Variants in DERA observed in about 807,000 individuals in gnomAD.
DERA encodes the protein 2-deoxy-D-ribose 5-phosphate aldolase.
Under a neutral mutation model 41.1 loss-of-function variants are expected in DERA, and 15 were observed. The ratio of observed to expected loss-of-function variants is 0.37; its 90% CI spans 0.24 to 0.56. DERA has a LOEUF of 0.56. Among genes scored for constraint, DERA ranks in the 20% least tolerant of loss-of-function variants. DERA has a pLI of 0.81. For synonymous variants in DERA, 139 were observed against 137.4 expected (o/e 1.01, Z -0.08); for missense variants, 396 against 403.4 (o/e 0.98, Z 0.16).
Position 15,966,271 on chromosome 12 carries a change from C to G in DERA, c.508+3324C>G, listed in dbSNP as rs889527050. ...TTGAGGTTGGGAGTTTGAGACCAGC[C>G]TGGCCAACATGGCAAAACCCTATCT... On this transcript the variant is annotated intron_variant, in intron 5 of 8. Coordinates refer to ENST00000428559, the MANE Select transcript of DERA (RefSeq NM_015954.4). The surrounding 1 kb of genome is among the most constrained non-coding windows in gnomAD (Gnocchi z 5.1). 5.3e-5 allele frequency among the ~76,000 whole-genome samples: 8 copies of G among 152,110 alleles called. No individual in the cohort carries two copies. Among genetic ancestry groups the G allele is most frequent in the African/African-American group, 1.9e-4 (8 of 41,416 alleles).
At chr12:15,949,983 G>T (rs76127970) in intron 1 of DERA, among the ~76,000 whole-genome samples, 3 of 151,954 alleles carry the variant, frequency 2.0e-5, no homozygotes, top group African/African-American at 4.8e-5. Flanking sequence ...TCCATTTCCC[G>T]TACCTGGCCT....
At position 16,032,647 on chromosome 12, in the gene DERA, G is replaced by T. The variant is rs2136190205; in HGVS notation, c.743G>T (p.Gly248Val). The T allele has an allele frequency of 1.3e-6, 2 of 1,545,104 alleles. No individual in the cohort carries two copies. Among genetic ancestry groups the T allele is most frequent in the Non-Finnish European group, 1.8e-6 (2 of 1,138,056 alleles). Reference sequence around the variant, plus strand: ...ATTAGAGATTTCTTCTGGAAAACTGGAAACAAGGTATATTATTGCCAGCAA... The same window carrying T: ...ATTAGAGATTTCTTCTGGAAAACTGTAAACAAGGTATATTATTGCCAGCAA... ...RAIRDFFWKT[G>V]NKIGFKPAGG... Residue 248 changes from glycine (G) to valine (V), a missense_variant, in exon 7 of 9, where the codon GGA (glycine) becomes GTA (valine). Coordinates refer to ENST00000428559, the MANE Select transcript of DERA (RefSeq NM_015954.4).
Position 15,928,583 on chromosome 12 carries a change from T to C in DERA, c.31+17169T>C, listed in dbSNP as rs954497594. 1.3e-5 allele frequency among the ~76,000 whole-genome samples: 2 copies of C among 152,214 alleles called. No homozygotes were observed. The highest frequency in any genetic ancestry group is 6.5e-5 in the Admixed American group (1 of 15,274). On this transcript the variant is annotated intron_variant, in intron 1 of 8. Coordinates refer to ENST00000428559, the MANE Select transcript of DERA (RefSeq NM_015954.4). The surrounding 1 kb of genome is among the most constrained non-coding windows in gnomAD (Gnocchi z 4.6). ...CAGCTGATGGCAAGGACAGCCCTTA[T>C]GAAGTAGGGGAGATTTTGCCTGTGG...
intron 6 of DERA, among the ~76,000 whole-genome samples, chr12:16,002,703 G>A (rs1391288953): frequency 2.0e-5 from 3 of 151,944 alleles, no homozygotes; most frequent in Non-Finnish European, 4.4e-5. Context: ...TATTTCCTTA[G>A]CTAGTTGCCA....
chr12:16,016,815 A>AAAAAAAAAAG (rs1555159063), intron 6 of DERA, among the ~76,000 whole-genome samples: 1 of 151,166 alleles, frequency 6.6e-6, no homozygotes, highest in African/African-American at 2.4e-5. Flanking sequence ...AAAAAAAAAA[A>AAAAAAAAAAG]AAAGAAAGAA....
At chr12:15,980,433 A>G (rs549974727) in intron 5 of DERA, among the ~76,000 whole-genome samples, 16 of 152,224 alleles carry the variant, frequency 1.1e-4, no homozygotes, top group South Asian at 1.0e-3. Flanking sequence ...AGATCAGAAG[A>G]TTTTCCTTGT....
At chr12:15,969,533 G>C (rs1026014067) in intron 5 of DERA, among the ~76,000 whole-genome samples, 1 of 152,154 alleles carries the variant, frequency 6.6e-6, no homozygotes, top group Non-Finnish European at 1.5e-5. Flanking sequence ...TGTATCCAGA[G>C]CCTCATGTAC....
rs995203959 is a variant in DERA, at chr12:15,993,466, T to G, written c.637+11030T>G. On this transcript the variant is annotated intron_variant, in intron 6 of 8. Coordinates refer to ENST00000428559, the MANE Select transcript of DERA (RefSeq NM_015954.4). This position sits in a 1 kb window ranked among gnomAD's most constrained non-coding sequence, Gnocchi z 4.4. Reference sequence around the variant, plus strand: ...GATCCAGATGGCACATCTAGACTCCTGTGGTGTTGTGGCCTTTTTTTTTTT... The same window carrying G: ...GATCCAGATGGCACATCTAGACTCCGGTGGTGTTGTGGCCTTTTTTTTTTT... 5.3e-5 allele frequency among the ~76,000 whole-genome samples: 8 copies of G among 151,300 alleles called. No homozygotes were observed. Among genetic ancestry groups the G allele is most frequent in the Non-Finnish European group, 1.2e-4 (8 of 67,816 alleles).
Position 15,959,846 on chromosome 12 carries a change from G to A in DERA, c.295G>A (p.Val99Ile), listed in dbSNP as rs769952797. ...MHDKGITTAA[V>I]CVYPARVCDA... ...CTTGATAGGCATTACTACAGCCGCCGTTTGTGTTTATCCCGCCCGGGTGTG... is the reference window on the plus strand; with the variant it reads ...CTTGATAGGCATTACTACAGCCGCCATTTGTGTTTATCCCGCCCGGGTGTG... Residue 99 changes from valine (V) to isoleucine (I), a missense_variant, in exon 4 of 9, where the codon GTT becomes ATT. Val to Ile is a conservative substitution (Grantham distance 29). Transcript: ENST00000428559. The surrounding 1 kb of genome is among the most constrained non-coding windows in gnomAD (Gnocchi z 4.5). 2.5e-5 allele frequency: 38 copies of A among 1,546,128 alleles called. No homozygotes were observed. The East Asian group carries it at 2.7e-4, about 11-fold the overall frequency.
Position 15,924,591 on chromosome 12 carries a change from C to T in DERA, c.31+13177C>T, listed in dbSNP as rs1045588422. ...TTTAATATCTGAGCTTCAGCTGTTTCCTTATCTGTAAAATGGACCTAATGG... is the reference window on the plus strand; with the variant it reads ...TTTAATATCTGAGCTTCAGCTGTTTTCTTATCTGTAAAATGGACCTAATGG... On this transcript the variant is annotated intron_variant, in intron 1 of 8. Coordinates refer to ENST00000428559, the MANE Select transcript of DERA (RefSeq NM_015954.4). This position sits in a 1 kb window ranked among gnomAD's most constrained non-coding sequence, Gnocchi z 5.0. Among the ~76,000 whole-genome samples, 2 of 152,118 alleles carry T rather than the reference C, an allele frequency of 1.3e-5. No individual in the cohort carries two copies. Among genetic ancestry groups the T allele is most frequent in the African/African-American group, 4.8e-5 (2 of 41,400 alleles).
intron 5 of DERA, among the ~76,000 whole-genome samples, chr12:15,964,922 G>C (rs565600862): frequency 3.9e-5 from 6 of 152,266 alleles, no homozygotes; most frequent in Admixed American, 3.3e-4. Context: ...TATGCAAAAT[G>C]TAATGACAGA....
Position 16,016,537 on chromosome 12 carries a change from T to C in DERA, c.638-16005T>C, listed in dbSNP as rs574313176. ...TAAACAAGTTGGGTGTGGTGGCTCATGCCTGTAATTCTAGCACTTTGAGAG... is the reference window on the plus strand; with the variant it reads ...TAAACAAGTTGGGTGTGGTGGCTCACGCCTGTAATTCTAGCACTTTGAGAG... On this transcript the variant is annotated intron_variant, in intron 6 of 8. Transcript: ENST00000428559. Among the ~76,000 whole-genome samples, 14 of 152,190 alleles carry C rather than the reference T, an allele frequency of 9.2e-5. No individual in the cohort carries two copies. In the South Asian group the frequency reaches 2.9e-3, roughly 32 times the overall value.
rs1371164149 is a variant in DERA, at chr12:15,985,563, GTTGT to G, written c.637+3130_637+3133del. ...TTTCAGAGAGCCAAGTTTTTATTTTGTTGTTTTTTTTTCATTACTTTTCAGTGAA... is the reference window on the plus strand; with the variant it reads ...TTTCAGAGAGCCAAGTTTTTATTTTGTTTTTTTTCATTACTTTTCAGTGAA... On this transcript the variant is annotated intron_variant, in intron 6 of 8. Coordinates refer to ENST00000428559, the MANE Select transcript of DERA (RefSeq NM_015954.4). This position sits in a 1 kb window ranked among gnomAD's most constrained non-coding sequence, Gnocchi z 4.2. 8.8e-6 allele frequency among the ~76,000 whole-genome samples: 1 copy of G among 113,838 alleles called. No homozygotes were observed. Among genetic ancestry groups the G allele is most frequent in the African/African-American group, 2.9e-5 (1 of 34,652 alleles). 74.7% of individuals were successfully genotyped at this position (113,838 alleles called of 152,430 possible).
chr12:15,956,128 C>T (rs2136145997), intron 1 of DERA, among the ~76,000 whole-genome samples: 1 of 152,280 alleles, frequency 6.6e-6, no homozygotes, highest in South Asian at 2.1e-4. Flanking sequence ...ATGGTTTCAC[C>T]AGGAATCCTT....
chr12:15,923,057 C>T (rs549412326), intron 1 of DERA, among the ~76,000 whole-genome samples: 1 of 124,656 alleles, frequency 8.0e-6, no homozygotes, highest in Non-Finnish European at 1.6e-5. Flanking sequence ...GAGTCTCGCT[C>T]TGTCGCCCAG....
rs528599386 is a variant in DERA at position 16,004,226 on chromosome 12, A to G, written c.637+21790A>G. On this transcript the variant is annotated intron_variant, in intron 6 of 8. Transcript: ENST00000428559. The surrounding 1 kb of genome is among the most constrained non-coding windows in gnomAD (Gnocchi z 4.2). Reference sequence around the variant, plus strand: ...CTTTGTAGTCAAATAGCAATTTCATATATGCAGATAATTTGAATCTGAATG... The same window carrying G: ...CTTTGTAGTCAAATAGCAATTTCATGTATGCAGATAATTTGAATCTGAATG... 1.3e-5 allele frequency among the ~76,000 whole-genome samples: 2 copies of G among 152,380 alleles called. No homozygotes were observed. Among genetic ancestry groups the G allele is most frequent in the South Asian group, 4.1e-4 (2 of 4,834 alleles).
intron 1 of DERA, among the ~76,000 whole-genome samples, chr12:15,952,378 T>A (rs1283974142): frequency 6.6e-6 from 1 of 152,220 alleles, no homozygotes; most frequent in African/African-American, 2.4e-5. Context: ...TACTGATTAC[T>A]TTTTTAAAAT....
chr12:16,027,112 G>C (rs1208768665), intron 6 of DERA, among the ~76,000 whole-genome samples: 1 of 152,020 alleles, frequency 6.6e-6, no homozygotes, highest in Non-Finnish European at 1.5e-5. Context: ...AGAAAGCCTC[G>C]GCAAACTAGA....
Position 15,935,398 on chromosome 12 carries a change from G to C in DERA, c.32-21538G>C, listed in dbSNP as rs1473626362. Among the ~76,000 whole-genome samples, 1 of 152,080 alleles carries C rather than the reference G, an allele frequency of 6.6e-6. No individual in the cohort carries two copies. Among genetic ancestry groups the C allele is most frequent in the African/African-American group, 2.4e-5 (1 of 41,420 alleles). ...CCTACTTGGGAGGCTGAGCTGGGAG[G>C]ATTGCTTGAACCCGGGAGGTGGAAG... On this transcript the variant is annotated intron_variant, in intron 1 of 8. Transcript: ENST00000428559. This position sits in a 1 kb window ranked among gnomAD's most constrained non-coding sequence, Gnocchi z 4.8.
Sources: gnomAD v4.1 joint callset for allele counts (sites outside exome capture counted in the v4.1 genomes callset) on GRCh38, gnomAD v4.1.1 for gene constraint, Gnocchi (gnomAD v3.1) non-coding constraint, MANE v1.5 for transcripts, NCBI Gene and HGNC (gene_info 2026-07-23, HGNC 2026-07-21) for gene names.